FOXO1: variants seen among roughly 807,000 people sequenced by gnomAD.
The protein encoded by FOXO1 is forkhead box O1.
Under a neutral mutation model 44.1 loss-of-function variants are expected in FOXO1, and 6 were observed. The observed-to-expected ratio is 0.14, with a 90% CI of 0.07 to 0.27. FOXO1 has a LOEUF of 0.27. Ranked by LOEUF, FOXO1 falls within the 10% of genes least tolerant of loss-of-function variation. FOXO1 has a pLI of 1.00. For synonymous variants in FOXO1, 380 were observed against 362.7 expected (o/e 1.05, Z -0.54); for missense variants, 737 against 888.8 (o/e 0.83, Z 2.17).
intron 1 of FOXO1, chr13:40,618,777 G>A (rs896703263): frequency 1.6e-5 from 8 of 507,754 alleles, no homozygotes; most frequent in East Asian, 1.1e-4. Flanking sequence ...TGGTGGTGAC[G>A]AAACCTTATC....
intron 1 of FOXO1, among the ~76,000 whole-genome samples, chr13:40,582,912 T>C (rs1875011210): frequency 6.6e-6 from 1 of 152,220 alleles, no homozygotes; most frequent in Admixed American, 6.5e-5. Context: ...TGCTAAATCC[T>C]TTCTTGAAGA....
intron 1 of FOXO1, among the ~76,000 whole-genome samples, chr13:40,567,571 A>G (rs1874318107): frequency 6.6e-6 from 1 of 152,220 alleles, no homozygotes; most frequent in Non-Finnish European, 1.5e-5. Flanking sequence ...GAAGAATCAA[A>G]GGAACATACT....
At chr13:40,586,090 G>A (rs1011337561) in intron 1 of FOXO1, among the ~76,000 whole-genome samples, 1 of 152,166 alleles carries the variant, frequency 6.6e-6, no homozygotes, top group African/African-American at 2.4e-5. Context: ...GAAAGAATGT[G>A]GGAAAGCCCT....
chr13:40,590,546 A>G (rs758989463), intron 1 of FOXO1, among the ~76,000 whole-genome samples: 3 of 152,202 alleles, frequency 2.0e-5, no homozygotes, highest in Non-Finnish European at 2.9e-5. Flanking sequence ...ACAACTGCTG[A>G]TATACCAAGG....
At chr13:40,626,476 A>G (rs559373165) in intron 1 of FOXO1, among the ~76,000 whole-genome samples, 1 of 152,362 alleles carries the variant, frequency 6.6e-6, no homozygotes, top group African/African-American at 2.4e-5. Flanking sequence ...AAGAAAGTAT[A>G]GATGCATTTT....
intron 1 of FOXO1, among the ~76,000 whole-genome samples, chr13:40,605,108 T>A (rs1196689429): frequency 6.6e-6 from 1 of 151,752 alleles, no homozygotes; most frequent in Non-Finnish European, 1.5e-5. Context: ...TTGATATATA[T>A]AAAATACATA....
chr13:40,567,356 G>A (rs1289888173), intron 1 of FOXO1, among the ~76,000 whole-genome samples: 1 of 151,792 alleles, frequency 6.6e-6, no homozygotes, highest in Non-Finnish European at 1.5e-5. Context: ...GTATTTTATA[G>A]TTTACTGCTG....
intron 1 of FOXO1, among the ~76,000 whole-genome samples, chr13:40,602,787 G>C (rs74044543): frequency 0.035 from 5,292 of 152,210 alleles, 278 homozygotes; most frequent in African/African-American, 0.12. Flanking sequence ...CAGAGATTTA[G>C]GTATAGGTTA....
At position 40,611,211 on chromosome 13, in the gene FOXO1, C is replaced by A. The variant is rs1260052682; in HGVS notation, c.631-50351G>T. The stretch of plus-strand genomic sequence containing the variant: ...TGTTACATAAACAAGTTCTATGTGA[C>A]CTCACGGCTTTTAGATATGATTTAT... On this transcript the variant is annotated intron_variant, in intron 1 of 2. Transcript: ENST00000379561. 1.9e-5 allele frequency: 6 copies of A among 309,738 alleles called. No homozygotes were observed. The East Asian group carries it at 5.3e-4, about 27-fold the overall frequency. 19.2% of individuals were successfully genotyped at this position (309,738 alleles called of 1,614,324 possible). A position where few individuals can be genotyped will look rare whatever the true frequency, so the allele number is the denominator to read the frequency against.
At chr13:40,621,514 T>G (rs1443131418) in intron 1 of FOXO1, among the ~76,000 whole-genome samples, 4 of 152,210 alleles carry the variant, frequency 2.6e-5, no homozygotes. Context: ...AAGAGGAAAT[T>G]TATATAACAT....
chr13:40,655,668 T>G (rs1877836446), intron 1 of FOXO1, among the ~76,000 whole-genome samples: 1 of 145,446 alleles, frequency 6.9e-6, no homozygotes, highest in African/African-American at 2.6e-5. Flanking sequence ...TGGCAGAGTC[T>G]TGCTGTCGCC....
chr13:40,666,603 C>A lies in FOXO1; in HGVS notation c.-391G>T. 5.1e-6 allele frequency: 1 copy of A among 195,930 alleles called. No homozygotes were observed. The highest frequency in any genetic ancestry group is 1.9e-4 in the South Asian group (1 of 5,252). The allele number at this position is 195,930 out of a possible 1,614,324, so 12.1% of individuals were successfully genotyped here. A position where few individuals can be genotyped will look rare whatever the true frequency, so the allele number is the denominator to read the frequency against. On this transcript the variant is annotated 5_prime_UTR_variant, in exon 1 of 3. Coordinates refer to ENST00000379561, the MANE Select transcript of FOXO1 (RefSeq NM_002015.4). ...CTGTTGAATGTGGCGGCTGCGGCAG[C>A]GGCTGCTGCGACTACCAGGCCGCCC...
chr13:40,621,496 T>G (rs1393733554), intron 1 of FOXO1: 3 of 182,392 alleles, frequency 1.6e-5, no homozygotes, highest in Non-Finnish European at 3.4e-5. Context: ...TTTTTAAAAC[T>G]TGTTATAAAG....
rs1218854751 is a variant in FOXO1 at position 40,559,980 on chromosome 13, A to G, written c.1511T>C (p.Met504Thr). The G allele has an allele frequency of 1.2e-6, 2 of 1,614,172 alleles. No homozygotes were observed. The highest frequency in any genetic ancestry group is 1.1e-5 in the South Asian group (1 of 91,082). Reference protein sequence around the residue: ...QNVMMGPNSVMSTYGSQASHN... With the variant: ...QNVMMGPNSVTSTYGSQASHN... ...AGATGCCTGGCTGCCATAGGTTGAC[A>G]TGACCGAATTAGGGCCCATCATGAC... Residue 504 changes from methionine to threonine, a missense_variant, in exon 2 of 3, where the codon ATG becomes ACG. By Grantham distance (81) the Met-to-Thr change is moderately conservative. This residue lies in a region of FOXO1 where 283 missense variants were observed against 278.1 expected (regional missense o/e 1.02). Coordinates refer to ENST00000379561, the MANE Select transcript of FOXO1 (RefSeq NM_002015.4).
intron 1 of FOXO1, among the ~76,000 whole-genome samples, chr13:40,639,405 A>G (rs1877275062): frequency 6.6e-6 from 1 of 152,208 alleles, no homozygotes; most frequent in East Asian, 1.9e-4. Flanking sequence ...CCTACACGTC[A>G]TTCTTCTAGT....
At chr13:40,607,140 C>G (rs1165887519) in intron 1 of FOXO1, among the ~76,000 whole-genome samples, 2 of 152,206 alleles carry the variant, frequency 1.3e-5, no homozygotes, top group Non-Finnish European at 2.9e-5. Context: ...CTCCCTATGT[C>G]TCCCACGTGG....
chr13:40,607,495 T>G (rs1876051732), intron 1 of FOXO1, among the ~76,000 whole-genome samples: 1 of 149,812 alleles, frequency 6.7e-6, no homozygotes, highest in Non-Finnish European at 1.5e-5. Flanking sequence ...CTAGAGTGCT[T>G]TACTATAAGT....
chr13:40,566,939 A>G (rs1405965355), intron 1 of FOXO1, among the ~76,000 whole-genome samples: 2 of 152,008 alleles, frequency 1.3e-5, no homozygotes, highest in East Asian at 3.9e-4. Context: ...ATCCCTCAAG[A>G]CTGGGTTGAA....
intron 1 of FOXO1, chr13:40,620,626 G>T: frequency 2.5e-6 from 1 of 404,482 alleles, no homozygotes; most frequent in South Asian, 3.7e-5. Context: ...TACAGTTACT[G>T]ACAGCAGCCA....
Sources: gnomAD v4.1 joint callset for allele counts (sites outside exome capture counted in the v4.1 genomes callset) on GRCh38, gnomAD v4.1.1 for gene constraint, gnomAD v4.1.1 regional missense constraint, MANE v1.5 for transcripts, NCBI Gene and HGNC (gene_info 2026-07-23, HGNC 2026-07-21) for gene names.